CNTNAP2: variants seen among roughly 807,000 people sequenced by gnomAD.
The protein encoded by CNTNAP2 is contactin associated protein 2, also known as contactin-associated protein-like 2.
CNTNAP2 carries 98 observed loss-of-function variants against 155.2 expected under a neutral mutation model. That is an observed-to-expected ratio of 0.63 (90% confidence interval 0.54 to 0.75). CNTNAP2 has a LOEUF of 0.75. Ranked by LOEUF, CNTNAP2 falls within the 30% of genes least tolerant of loss-of-function variation. CNTNAP2 has a pLI of 0.00. For missense variants in CNTNAP2, 1,727 were observed against 1,688.1 expected (o/e 1.02, Z -0.40); for synonymous variants, 651 against 631.2 (o/e 1.03, Z -0.47).
Position 147,164,114 on chromosome 7 carries a change from G to A in CNTNAP2, c.1348+31605G>A, listed in dbSNP as rs187306897. ...CAAGTGATCCTGGCATACTCATGTG[G>A]AAAAAGCAAAAACATAATTGAAAGA... On this transcript the variant is annotated intron_variant, in intron 8 of 23. Coordinates refer to ENST00000361727, the MANE Select transcript of CNTNAP2 (RefSeq NM_014141.6). Among the ~76,000 whole-genome samples, 24 of 152,292 alleles carry A rather than the reference G, an allele frequency of 1.6e-4. No homozygotes were observed. The East Asian group carries it at 4.4e-3, about 28-fold the overall frequency.
At chr7:147,934,734 A>G (rs751645021) in intron 14 of CNTNAP2, among the ~76,000 whole-genome samples, 6 of 152,260 alleles carry the variant, frequency 3.9e-5, no homozygotes, top group Non-Finnish European at 8.8e-5. Flanking sequence ...TGACAGGGAT[A>G]TAAGTCTCAG....
intron 1 of CNTNAP2, among the ~76,000 whole-genome samples, chr7:146,290,955 A>G (rs550586540): frequency 3.3e-5 from 5 of 152,322 alleles, no homozygotes; most frequent in South Asian, 4.1e-4. Flanking sequence ...TGTTTTTCCT[A>G]TAATACCGTA....
intron 1 of CNTNAP2, among the ~76,000 whole-genome samples, chr7:146,323,451 A>G (rs1449376184): frequency 6.6e-6 from 1 of 152,122 alleles, no homozygotes; most frequent in Admixed American, 6.6e-5. Flanking sequence ...GACAGAGACC[A>G]AGGACAACAG....
chr7:148,320,796 T>C (rs1271137247), intron 21 of CNTNAP2, among the ~76,000 whole-genome samples: 1 of 152,016 alleles, frequency 6.6e-6, no homozygotes, highest in Admixed American at 6.6e-5. Flanking sequence ...CAATCTAAAC[T>C]AAGAAAGATG....
rs147473006 is a variant in CNTNAP2, at chr7:147,772,952, G to T, written c.2099-130613G>T. ...CTCTTTGACCTGTGATCACACAAGT[G>T]AATTAGCCATTCCCCTAAAATGACT... On this transcript the variant is annotated intron_variant, in intron 13 of 23. Coordinates refer to ENST00000361727, the MANE Select transcript of CNTNAP2 (RefSeq NM_014141.6). Among the ~76,000 whole-genome samples the T allele has an allele frequency of 2.8e-3, 429 of 152,214 alleles. 1 individual carries two copies. The highest frequency in any genetic ancestry group is 8.8e-3 in the African/African-American group (366 of 41,514).
chr7:147,002,741 G>T (rs1422419175), intron 3 of CNTNAP2, among the ~76,000 whole-genome samples: 1 of 151,836 alleles, frequency 6.6e-6, no homozygotes, highest in Non-Finnish European at 1.5e-5. Flanking sequence ...CCTTCTAGCT[G>T]TGTCCTTACA....
intron 4 of CNTNAP2, among the ~76,000 whole-genome samples, chr7:147,068,508 G>A (rs954941385): frequency 1.3e-5 from 2 of 152,104 alleles, no homozygotes; most frequent in African/African-American, 4.8e-5. Context: ...ACAGGCATAT[G>A]CCACCACGCC....
chr7:147,062,106 C>T (rs1452130937), intron 4 of CNTNAP2, among the ~76,000 whole-genome samples: 2 of 111,482 alleles, frequency 1.8e-5, no homozygotes, highest in Admixed American at 1.3e-4. Context: ...CCAGCCTGGG[C>T]GACAGAGCGA....
At chr7:147,700,030 A>T (rs937906482) in intron 13 of CNTNAP2, among the ~76,000 whole-genome samples, 5 of 152,182 alleles carry the variant, frequency 3.3e-5, no homozygotes, top group African/African-American at 1.2e-4. Flanking sequence ...TCTCACACTG[A>T]CAATGTGGAA....
At chr7:146,608,539 T>C (rs1007207715) in intron 1 of CNTNAP2, among the ~76,000 whole-genome samples, 1 of 152,142 alleles carries the variant, frequency 6.6e-6, no homozygotes, top group Non-Finnish European at 1.5e-5. Flanking sequence ...TACAATACAT[T>C]GTTGGGTTCA....
At chr7:148,123,678 AGG>A (rs752635462) in intron 16 of CNTNAP2, among the ~76,000 whole-genome samples, 2 of 145,826 alleles carry the variant, frequency 1.4e-5, no homozygotes, top group South Asian at 4.3e-4. Context: ...GAAGGAAGGA[AGG>A]AAGGAAAAAG....
chr7:146,650,170 T>A (rs1799882368), intron 1 of CNTNAP2, among the ~76,000 whole-genome samples: 1 of 152,138 alleles, frequency 6.6e-6, no homozygotes, highest in African/African-American at 2.4e-5. Context: ...AGAAATACCA[T>A]TTGACCCAGC....
chr7:146,313,828 G>A (rs561880276), intron 1 of CNTNAP2, among the ~76,000 whole-genome samples: 141 of 152,102 alleles, frequency 9.3e-4, no homozygotes, highest in African/African-American at 3.3e-3. Flanking sequence ...CTGAAACTCC[G>A]TCTCTACTAA....
chr7:146,421,929 T>C (rs1796017740), intron 1 of CNTNAP2, among the ~76,000 whole-genome samples: 2 of 151,924 alleles, frequency 1.3e-5, no homozygotes, highest in African/African-American at 4.8e-5. Flanking sequence ...CTATATATTA[T>C]AGATGCTTGT....
chr7:147,637,310 C>A (rs145407325), intron 12 of CNTNAP2, among the ~76,000 whole-genome samples: 17 of 152,108 alleles, frequency 1.1e-4, no homozygotes, highest in African/African-American at 4.1e-4. Flanking sequence ...GGTGGGTTGG[C>A]AGGAGGCGTG....
intron 16 of CNTNAP2, among the ~76,000 whole-genome samples, chr7:148,128,894 C>T (rs1425818441): frequency 2.0e-5 from 3 of 152,172 alleles, no homozygotes; most frequent in Non-Finnish European, 4.4e-5. Context: ...AGCCCTCTCA[C>T]GTGGCAGCTC....
At chr7:148,116,117 C>T (rs1001987973) in intron 15 of CNTNAP2, among the ~76,000 whole-genome samples, 4 of 150,658 alleles carry the variant, frequency 2.7e-5, no homozygotes, top group African/African-American at 9.8e-5. Context: ...CCATCCTGGG[C>T]CACAGAGCGA....
intron 3 of CNTNAP2, among the ~76,000 whole-genome samples, chr7:146,942,869 T>G (rs1797084373): frequency 6.6e-6 from 1 of 152,234 alleles, no homozygotes. Flanking sequence ...TCTTTGACCT[T>G]ACTATTCCAC....
Position 146,191,183 on chromosome 7 carries a change from G to A in CNTNAP2, c.97+74210G>A, listed in dbSNP as rs1161422939. On this transcript the variant is annotated intron_variant, in intron 1 of 23. Transcript: ENST00000361727. ...TTTCCCTGAGTGTTGGCTGGTCTGA[G>A]TAATAAAGGGAAAGAGTACAAAACA... is the stretch of plus-strand genomic sequence containing the variant. Among the ~76,000 whole-genome samples, 48 of 152,154 alleles carry A rather than the reference G, an allele frequency of 3.2e-4. 1 individual carries two copies. Among genetic ancestry groups the A allele is most frequent in the Admixed American group, 3.1e-3 (48 of 15,282 alleles).
Sources: gnomAD v4.1 joint callset for allele counts (sites outside exome capture counted in the v4.1 genomes callset) on GRCh38, gnomAD v4.1.1 for gene constraint, MANE v1.5 for transcripts, NCBI Gene and HGNC (gene_info 2026-07-23, HGNC 2026-07-21) for gene names.